Variants in TLN2 observed in about 807,000 individuals in gnomAD.
TLN2 encodes talin-2.
In TLN2, 118 loss-of-function variants were observed where a neutral mutation model predicts 294.7. The observed-to-expected ratio is 0.40, with a 90% CI of 0.34 to 0.47. The LOEUF (loss-of-function observed/expected upper bound fraction) is 0.47. Ranked by LOEUF, TLN2 falls within the 20% of genes least tolerant of loss-of-function variation. The pLI is 0.84. For missense variants in TLN2, 3,083 were observed against 3,282.2 expected (o/e 0.94, Z 1.48); for synonymous variants, 1,431 against 1,304.5 (o/e 1.10, Z -2.09).
At chr15:62,750,288 G>T in intron 33 of TLN2, 114 bp from the exon 34 acceptor site, 1 of 838,574 alleles carries the variant, frequency 1.2e-6, no homozygotes, top group South Asian at 1.5e-5. Context: ...GAGTAAAAGT[G>T]ATCATGACCA....
intron 1 of TLN2, among the ~76,000 whole-genome samples, chr15:62,435,965 CTT>C (rs766405654): frequency 2.0e-4 from 30 of 152,186 alleles, no homozygotes; most frequent in Admixed American, 9.2e-4. Flanking sequence ...ATTTATTAAT[CTT>C]TATGAATTTT....
At chr15:62,641,944 T>C (rs1361626505) in intron 3 of TLN2, among the ~76,000 whole-genome samples, 2 of 152,238 alleles carry the variant, frequency 1.3e-5, no homozygotes, top group African/African-American at 4.8e-5. Context: ...TGTCCCTGGG[T>C]GAACCAGGGT....
intron 1 of TLN2, among the ~76,000 whole-genome samples, chr15:62,500,822 T>A (rs965245341): frequency 6.6e-6 from 1 of 152,208 alleles, no homozygotes; most frequent in Non-Finnish European, 1.5e-5. Flanking sequence ...TGCATACTCT[T>A]CTTGAGCAGT....
rs969412490 is a variant in TLN2, at chr15:62,636,001, T to C, written c.-36-11274T>C. 6.6e-5 allele frequency among the ~76,000 whole-genome samples: 10 copies of C among 152,168 alleles called. No homozygotes were observed. The South Asian group carries it at 1.9e-3, about 28-fold the overall frequency. ...TTGGTTGTCCTGCTTGGGCGAAGTC[T>C]AAACCTCTTAGCATGGGGTTATGTT... is the stretch of plus-strand genomic sequence containing the variant. On this transcript the variant is annotated intron_variant, in intron 3 of 58. Transcript: ENST00000636159.
chr15:62,755,499 G>T, intron 36 of TLN2, 33 bp from the exon 37 acceptor site: 1 of 1,610,178 alleles, frequency 6.2e-7, no homozygotes, highest in Non-Finnish European at 8.5e-7. Flanking sequence ...ACTGTAGCAT[G>T]GGGTACCCCC....
In TLN2 at chr15:62,439,757, T is replaced by C. The variant is rs376259570; in HGVS notation, c.-238+49072T>C. On this transcript the variant is annotated intron_variant, in intron 1 of 58. Coordinates refer to ENST00000636159, the MANE Select transcript of TLN2 (RefSeq NM_015059.3). ...TGACTAGTGTTAGACTTTTTCCCTT[T>C]GGGTATGCATTGTCCTTTGTGAACA... Among the ~76,000 whole-genome samples the C allele has an allele frequency of 3.9e-5, 6 of 152,322 alleles. No individual in the cohort carries two copies. In the East Asian group the frequency reaches 7.7e-4, roughly 20 times the overall value.
At chr15:62,421,627 G>T (rs2034400663) in intron 1 of TLN2, among the ~76,000 whole-genome samples, 1 of 151,774 alleles carries the variant, frequency 6.6e-6, no homozygotes, top group South Asian at 2.1e-4. Context: ...TAAATGATGA[G>T]GACATATGGA....
At chr15:62,744,797 C>G (rs1011574214) in intron 32 of TLN2, among the ~76,000 whole-genome samples, 6 of 152,292 alleles carry the variant, frequency 3.9e-5, no homozygotes, top group African/African-American at 1.4e-4. Flanking sequence ...CCACCCACCT[C>G]GGCCTCCCAA....
intron 1 of TLN2, among the ~76,000 whole-genome samples, chr15:62,515,042 T>C (rs146061676): frequency 2.1e-3 from 318 of 152,306 alleles, no homozygotes; most frequent in African/African-American, 7.4e-3. Flanking sequence ...CCCTACACAC[T>C]CTGTTTCCTT....
At chr15:62,735,237 G>A (rs1366476963) in intron 28 of TLN2, among the ~76,000 whole-genome samples, 3 of 152,162 alleles carry the variant, frequency 2.0e-5, no homozygotes, top group Admixed American at 2.0e-4. Context: ...GCTGTTCAGC[G>A]ATTCTCAGGC....
intron 1 of TLN2, chr15:62,453,550 CTGAT>C (rs1267659911): frequency 6.6e-6 from 1 of 152,176 alleles, no homozygotes; most frequent in African/African-American, 2.4e-5. Context: ...ATGTTGTTGA[CTGAT>C]TGCACCAGCT....
chr15:62,736,962 C>G lies in TLN2; in HGVS notation c.3443C>G (p.Ala1148Gly). ...GTGGCTGCATCGACAACCGACCCCG[C>G]GGCCGCCCATGCCATGTTAGATTCT... ...RGVAASTTDP[A>G]AAHAMLDSAR... The change falls in exon 29 of 59, where the codon GCG becomes GGG. Residue 1148 changes from alanine to glycine, a missense_variant. Coordinates refer to ENST00000636159, the MANE Select transcript of TLN2 (RefSeq NM_015059.3). 6.2e-7 allele frequency: 1 copy of G among 1,614,166 alleles called. No individual in the cohort carries two copies. The highest frequency in any genetic ancestry group is 8.5e-7 in the Non-Finnish European group (1 of 1,180,032).
intron 57 of TLN2, among the ~76,000 whole-genome samples, chr15:62,838,368 G>T (rs2070063131): frequency 6.6e-6 from 1 of 152,224 alleles, no homozygotes; most frequent in Admixed American, 6.5e-5. Context: ...GGTAAAGGCT[G>T]CAGTGAAGCC....
intron 1 of TLN2, among the ~76,000 whole-genome samples, chr15:62,391,376 T>A (rs1302229807): frequency 6.6e-6 from 1 of 152,162 alleles, no homozygotes; most frequent in Non-Finnish European, 1.5e-5. Context: ...AGGCTTTGCA[T>A]CCAGTGCGGC....
chr15:62,833,546 G>C lies in TLN2; in HGVS notation c.7045G>C (p.Ala2349Pro). 6.2e-7 allele frequency: 1 copy of C among 1,614,166 alleles called. No individual in the cohort carries two copies. The highest frequency in any genetic ancestry group is 8.5e-7 in the Non-Finnish European group (1 of 1,180,020). The change falls in exon 55 of 59, where the codon GCT becomes CCT. Residue 2349 changes from alanine (A) to proline (P), a missense_variant. Physicochemically the swap from Ala to Pro is conservative, Grantham distance 27. Transcript: ENST00000636159. The stretch of plus-strand genomic sequence containing the variant: ...GGACTTTGAGGAACAGATCTTGGAA[G>C]CTGCTAAATCCATTGCTGCTGCCAC... ...TLDFEEQILE[A>P]AKSIAAATSA...
At chr15:62,713,581 A>G (rs1362887646) in intron 22 of TLN2, among the ~76,000 whole-genome samples, 1 of 152,050 alleles carries the variant, frequency 6.6e-6, no homozygotes, top group Non-Finnish European at 1.5e-5. Context: ...AGGGAGGCTG[A>G]GGCAGGAGAA....
intron 3 of TLN2, among the ~76,000 whole-genome samples, chr15:62,634,614 G>C (rs78619269): frequency 6.6e-6 from 1 of 152,194 alleles, no homozygotes; most frequent in Non-Finnish European, 1.5e-5. Context: ...TTGTTTTTTT[G>C]CTGTTTGAAA....
intron 48 of TLN2, among the ~76,000 whole-genome samples, chr15:62,799,350 A>G (rs552206437): frequency 6.6e-6 from 1 of 152,314 alleles, no homozygotes; most frequent in South Asian, 2.1e-4. Context: ...TTATTATTAT[A>G]GAAATAGGAG....
intron 32 of TLN2, among the ~76,000 whole-genome samples, chr15:62,746,316 G>C (rs2061606505): frequency 6.6e-6 from 1 of 152,122 alleles, no homozygotes; most frequent in Non-Finnish European, 1.5e-5. Context: ...GGACTCCCCA[G>C]GAGGTACTTT....
Sources: allele counts gnomAD v4.1 joint callset (sites outside exome capture counted in the v4.1 genomes callset), GRCh38; gene constraint gnomAD v4.1.1; transcripts MANE v1.5; gene names NCBI Gene and HGNC (gene_info 2026-07-23, HGNC 2026-07-21).